The following FRMD4A variants were observed in gnomAD, a reference collection of about 807,000 sequenced individuals.
FRMD4A encodes FERM domain-containing protein 4A.
In FRMD4A, 29 loss-of-function variants were observed where a neutral mutation model predicts 129.1. The ratio of observed to expected loss-of-function variants is 0.22; its 90% CI spans 0.17 to 0.31. The LOEUF is 0.31. FRMD4A is among the 10% of genes least tolerant of loss of function. The pLI is 1.00. For missense variants in FRMD4A, 1,272 were observed against 1,375.8 expected (o/e 0.92, Z 1.19); for synonymous variants, 634 against 571.6 (o/e 1.11, Z -1.56).
chr10:14,211,363 G>A (rs1842929670), intron 2 of FRMD4A, among the ~76,000 whole-genome samples: 1 of 152,120 alleles, frequency 6.6e-6, no homozygotes, highest in South Asian at 2.1e-4. Flanking sequence ...TCAGTGAGAG[G>A]CAGATTCTGG....
At chr10:14,239,317 G>C (rs1417401816) in intron 2 of FRMD4A, among the ~76,000 whole-genome samples, 1 of 152,170 alleles carries the variant, frequency 6.6e-6, no homozygotes, top group Non-Finnish European at 1.5e-5. Context: ...GTTTTGTTGA[G>C]AATTGTTCTT....
chr10:13,707,779 C>G, intron 12 of FRMD4A: 2 of 985,400 alleles, frequency 2.0e-6, no homozygotes. Context: ...AGAGTTCTGT[C>G]GCCCGGAAGG....
chr10:13,825,833 C>T (rs1040489846), intron 3 of FRMD4A, among the ~76,000 whole-genome samples: 2 of 152,148 alleles, frequency 1.3e-5, no homozygotes, highest in Admixed American at 6.5e-5. Context: ...AAAGTAACAC[C>T]GCAGATAAGA....
intron 2 of FRMD4A, among the ~76,000 whole-genome samples, chr10:14,040,492 C>CA (rs1003217491): frequency 6.6e-6 from 1 of 151,866 alleles, no homozygotes; most frequent in Non-Finnish European, 1.5e-5. Context: ...AATGTTCTTG[C>CA]AAAAAAACAG....
At chr10:14,293,872 G>T (rs1182632301) in intron 2 of FRMD4A, among the ~76,000 whole-genome samples, 3 of 152,208 alleles carry the variant, frequency 2.0e-5, no homozygotes, top group Non-Finnish European at 4.4e-5. Flanking sequence ...CAATAGATGT[G>T]CTAGATTCAC....
At chr10:13,952,121 G>A (rs2095376058) in intron 2 of FRMD4A, among the ~76,000 whole-genome samples, 1 of 142,374 alleles carries the variant, frequency 7.0e-6, no homozygotes, top group African/African-American at 2.8e-5. Flanking sequence ...TCCCCATGAT[G>A]TATGTTTTTT....
intron 2 of FRMD4A, among the ~76,000 whole-genome samples, chr10:14,016,482 G>T (rs2095699513): frequency 6.6e-6 from 1 of 152,304 alleles, no homozygotes; most frequent in South Asian, 2.1e-4. Flanking sequence ...CTAGCCATCT[G>T]CCTCTTCCTG....
At chr10:14,016,672 A>G (rs1278662208) in intron 2 of FRMD4A, among the ~76,000 whole-genome samples, 1 of 152,054 alleles carries the variant, frequency 6.6e-6, no homozygotes, top group East Asian at 1.9e-4. Context: ...AAGACCCCCT[A>G]TCCCCATCAA....
At chr10:14,138,639 A>C (rs1335825784) in intron 2 of FRMD4A, among the ~76,000 whole-genome samples, 1 of 152,088 alleles carries the variant, frequency 6.6e-6, no homozygotes, top group Admixed American at 6.5e-5. Flanking sequence ...GCGCGCCTGT[A>C]ATCCCAGCTA....
intron 12 of FRMD4A, among the ~76,000 whole-genome samples, chr10:13,735,147 A>G (rs1242373872): frequency 2.0e-5 from 3 of 152,214 alleles, no homozygotes; most frequent in African/African-American, 7.2e-5. Flanking sequence ...TGCTGGGATT[A>G]CAGGCGTGAG....
chr10:13,707,355 A>C, intron 12 of FRMD4A: 1 of 1,221,216 alleles, frequency 8.2e-7, no homozygotes, highest in African/African-American at 1.5e-5. Context: ...CTGGAACAAA[A>C]CAAGTTCTTT....
chr10:13,651,783 G>A (rs2081613307), intron 24 of FRMD4A, 120 bp downstream of exon 24: 2 of 678,510 alleles, frequency 2.9e-6, no homozygotes, highest in Non-Finnish European at 2.7e-6. Context: ...CATGTATCTA[G>A]AAATAAGGCA....
chr10:13,654,596 C>T (rs2081979965), intron 22 of FRMD4A, 84 bp from the exon 23 acceptor site: 1 of 832,344 alleles, frequency 1.2e-6, no homozygotes, highest in Admixed American at 2.0e-5. Flanking sequence ...TGGCTGACAC[C>T]AACCCAGTGG....
At chr10:13,775,265 C>T (rs1233274550) in intron 6 of FRMD4A, among the ~76,000 whole-genome samples, 2 of 152,194 alleles carry the variant, frequency 1.3e-5, no homozygotes, top group East Asian at 3.9e-4. Context: ...AATGGATTTA[C>T]AAAGACCCAC....
intron 2 of FRMD4A, chr10:13,971,755 C>T: frequency 7.7e-7 from 1 of 1,304,450 alleles, no homozygotes. Flanking sequence ...AAGTCAGGTT[C>T]CAACTCCACG....
chr10:13,672,736 C>A lies in FRMD4A; in HGVS notation c.1251+2175G>T, dbSNP rs140741751. Among the ~76,000 whole-genome samples the A allele has an allele frequency of 5.4e-4, 82 of 152,262 alleles. 1 individual carries two copies. The East Asian group carries it at 0.015, about 28-fold the overall frequency. On this transcript the variant is annotated intron_variant, in intron 16 of 24. Transcript: ENST00000357447. ...CCCCTCCATCATTCTAGTTGCCCCC[C>A]TCCCCAGGGGTCAAGCAGCGCGTCT...
chr10:14,261,705 T>C (rs978075800), intron 2 of FRMD4A, among the ~76,000 whole-genome samples: 1 of 152,156 alleles, frequency 6.6e-6, no homozygotes, highest in African/African-American at 2.4e-5. Flanking sequence ...TGTGGTTAGT[T>C]ATGCAGCTTT....
In FRMD4A at chr10:13,858,821, CAG is replaced by C. The variant is rs1452366089; in HGVS notation, c.111+24_111+25del. 4.9e-6 allele frequency: 7 copies of C among 1,417,690 alleles called. No individual in the cohort carries two copies. The Admixed American group carries it at 8.4e-5, about 17-fold the overall frequency. The allele number at this position is 1,417,690 out of a possible 1,614,324, so 87.8% of individuals were successfully genotyped here. ...AACCACATCAGTCACCAAAGAAACT[CAG>C]AAAGTTGACCAAAAGCGATTTACCT... On this transcript the variant is annotated intron_variant, in intron 3 of 24. Transcript: ENST00000357447.
At chr10:13,647,696 T>C (rs2081220698) in intron 24 of FRMD4A, 2 of 149,814 alleles carry the variant, frequency 1.3e-5, no homozygotes, top group South Asian at 4.2e-4. Context: ...AGTGTGTTCA[T>C]TTAAAATAGG....
Sources: gnomAD v4.1 joint callset for allele counts (sites outside exome capture counted in the v4.1 genomes callset) on GRCh38, gnomAD v4.1.1 for gene constraint, MANE v1.5 for transcripts, NCBI Gene and HGNC (gene_info 2026-07-23, HGNC 2026-07-21) for gene names.